Variants in SLCO1B3 observed in about 807,000 individuals in gnomAD.
SLCO1B3 encodes the protein liver-specific organic anion transporter 2.
SLCO1B3 carries 72 observed loss-of-function variants against 71.8 expected under a neutral mutation model. That is an observed-to-expected ratio of 1.00 (90% CI 0.83 to 1.22). SLCO1B3 has a LOEUF of 1.22. Ranked by LOEUF, SLCO1B3 falls within the 50% of genes most tolerant of loss-of-function variation. The probability of loss-of-function intolerance (pLI) is 0.00; values close to 1 mark genes in which losing one functional copy is unlikely to be tolerated. For missense variants in SLCO1B3, 911 were observed against 819.7 expected, an observed-to-expected ratio of 1.11 and a Z score of -1.36; for synonymous variants, 298 against 278.4, an observed-to-expected ratio of 1.07 and a Z score of -0.70.
At position 20,841,490 on chromosome 12, in the gene SLCO1B3, C is replaced by A. The variant is rs193158063; in HGVS notation, c.85-13538C>A. On this transcript the variant is annotated intron_variant, in intron 3 of 15. Transcript: ENST00000381545. The stretch of plus-strand genomic sequence containing the variant: ...AGGGATTCTTATTTAAAAATGTTTT[C>A]TACCATTGCCTGCCATAATTGCACT... Among the ~76,000 whole-genome samples the A allele has an allele frequency of 5.6e-3, 700 of 125,296 alleles. 4 individuals are homozygous for A. Among genetic ancestry groups the A allele is most frequent in the African/African-American group, 0.016 (628 of 38,554 alleles). The allele number at this position is 125,296 out of a possible 152,430, so 82.2% of individuals were successfully genotyped here.
intron 3 of SLCO1B3, among the ~76,000 whole-genome samples, chr12:20,842,997 C>T (rs896843114): frequency 1.3e-5 from 2 of 152,120 alleles, no homozygotes; most frequent in Non-Finnish European, 2.9e-5. Context: ...GTCCTGATCT[C>T]AGACTTTTCA....
chr12:20,879,145 T>C (rs1269218953), intron 10 of SLCO1B3, among the ~76,000 whole-genome samples: 3 of 151,826 alleles, frequency 2.0e-5, no homozygotes, highest in Non-Finnish European at 2.9e-5. Flanking sequence ...ATAAATTATT[T>C]TTGTCTCTCA....
At chr12:20,901,609 A>G (rs1357583173) in intron 15 of SLCO1B3, 142 bp downstream of exon 15, 1 of 536,636 alleles carries the variant, frequency 1.9e-6, no homozygotes, top group Admixed American at 3.7e-5. Flanking sequence ...CTATTGTATC[A>G]AGCATTCTGG....
intron 3 of SLCO1B3, among the ~76,000 whole-genome samples, chr12:20,821,511 T>G (rs1159867671): frequency 1.3e-5 from 2 of 151,464 alleles, no homozygotes; most frequent in South Asian, 2.1e-4. Flanking sequence ...CACGGAGAAG[T>G]GATGGGGGTT....
At chr12:20,878,342 C>T (rs1865625327) in intron 10 of SLCO1B3, among the ~76,000 whole-genome samples, 1 of 152,012 alleles carries the variant, frequency 6.6e-6, no homozygotes, top group African/African-American at 2.4e-5. Context: ...TTACAAAAGA[C>T]ATAATATTAA....
chr12:20,864,372 G>A (rs1017928457), intron 8 of SLCO1B3, among the ~76,000 whole-genome samples: 4 of 152,144 alleles, frequency 2.6e-5, no homozygotes, highest in Admixed American at 2.0e-4. Context: ...ATCAGGGTTT[G>A]TGAATAAACA....
intron 3 of SLCO1B3, among the ~76,000 whole-genome samples, chr12:20,851,322 A>G (rs1591760949): frequency 1.3e-5 from 2 of 152,286 alleles, no homozygotes; most frequent in East Asian, 1.9e-4. Context: ...TCACATACTT[A>G]TTAACATTTG....
chr12:20,822,099 A>G (rs1014250707), intron 3 of SLCO1B3, among the ~76,000 whole-genome samples: 5 of 152,210 alleles, frequency 3.3e-5, no homozygotes, highest in African/African-American at 4.8e-5. Flanking sequence ...GAGGTCGTAG[A>G]TGGATCTTTC....
intron 13 of SLCO1B3, among the ~76,000 whole-genome samples, 178 bp from the exon 14 acceptor site, chr12:20,898,258 A>G (rs1002690069): frequency 3.9e-5 from 6 of 152,176 alleles, no homozygotes; most frequent in African/African-American, 1.4e-4. Context: ...TATTATTATT[A>G]TCACTCAGGT....
intron 8 of SLCO1B3, among the ~76,000 whole-genome samples, chr12:20,864,603 C>G (rs1865336810): frequency 6.6e-6 from 1 of 152,112 alleles, no homozygotes; most frequent in South Asian, 2.1e-4. Flanking sequence ...CTCATTTGCT[C>G]TACTTTAATC....
At chr12:20,901,978 C>A in intron 15 of SLCO1B3, 1 of 399,190 alleles carries the variant, frequency 2.5e-6, no homozygotes, top group Non-Finnish European at 4.8e-6. Flanking sequence ...TGTACCTTAC[C>A]TCTTATAGAA....
chr12:20,874,685 T>C (rs997799897), intron 8 of SLCO1B3, among the ~76,000 whole-genome samples: 2 of 152,222 alleles, frequency 1.3e-5, no homozygotes, highest in African/African-American at 4.8e-5. Flanking sequence ...TGGGTTACTC[T>C]TAAACTCAGA....
chr12:20,856,505 G>T (rs141322760), intron 4 of SLCO1B3, among the ~76,000 whole-genome samples: 11 of 152,322 alleles, frequency 7.2e-5, no homozygotes, highest in African/African-American at 2.6e-4. Context: ...ATCTAGAGAT[G>T]ATATAAAGCA....
intron 5 of SLCO1B3, among the ~76,000 whole-genome samples, chr12:20,859,476 G>T (rs889597002): frequency 7.9e-5 from 12 of 151,100 alleles, no homozygotes; most frequent in Non-Finnish European, 1.5e-4. Flanking sequence ...GTCACCATAT[G>T]AATTCTGTTT....
At chr12:20,900,219 C>T (rs902071848) in intron 14 of SLCO1B3, among the ~76,000 whole-genome samples, 2 of 152,076 alleles carry the variant, frequency 1.3e-5, no homozygotes, top group African/African-American at 4.8e-5. Flanking sequence ...GCATTGGCCT[C>T]AGACAACATT....
At chr12:20,888,868 A>G (rs367791963) in intron 13 of SLCO1B3, among the ~76,000 whole-genome samples, 3 of 152,046 alleles carry the variant, frequency 2.0e-5, no homozygotes, top group Non-Finnish European at 4.4e-5. Context: ...TGTTTCTTCT[A>G]TGCCTAGTTT....
intron 8 of SLCO1B3, among the ~76,000 whole-genome samples, chr12:20,871,141 G>T (rs995344694): frequency 1.3e-5 from 2 of 152,038 alleles, no homozygotes; most frequent in African/African-American, 4.8e-5. Context: ...TTGGCCTGTA[G>T]TTTTTTTGAT....
intron 3 of SLCO1B3, among the ~76,000 whole-genome samples, chr12:20,854,492 T>C (rs1865091832): frequency 6.6e-6 from 1 of 152,202 alleles, no homozygotes. Context: ...AAATCTAGTT[T>C]TTCTGATATG....
At chr12:20,877,237 A>G (rs1048472193) in intron 9 of SLCO1B3, among the ~76,000 whole-genome samples, 5 of 103,440 alleles carry the variant, frequency 4.8e-5, no homozygotes, top group South Asian at 5.3e-4. Flanking sequence ...AACATTTTCT[A>G]TATTATGAAC....
Sources: allele counts gnomAD v4.1 joint callset (sites outside exome capture counted in the v4.1 genomes callset), GRCh38; gene constraint gnomAD v4.1.1; transcripts MANE v1.5; gene names NCBI Gene and HGNC (gene_info 2026-07-23, HGNC 2026-07-21).